The following ATP8B4 variants were observed in gnomAD, a reference collection of about 807,000 sequenced individuals.
ATP8B4 encodes the protein ATPase phospholipid transporting 8B4 (putative), also known as probable phospholipid-transporting ATPase IM.
Under a neutral mutation model 145.6 loss-of-function variants are expected in ATP8B4, and 133 were observed. The observed-to-expected ratio is 0.91, with a 90% CI of 0.79 to 1.05. The LOEUF is 1.05. Ranked by LOEUF, ATP8B4 falls within the 50% of genes least tolerant of loss-of-function variation. The pLI is 0.00. For synonymous variants in ATP8B4, 507 were observed against 492.9 expected, an observed-to-expected ratio of 1.03 and a Z score of -0.38; for missense variants, 1,458 against 1,425.2, an observed-to-expected ratio of 1.02 and a Z score of -0.37.
At chr15:49,936,604 AT>A (rs2041753193) in intron 14 of ATP8B4, among the ~76,000 whole-genome samples, 1 of 151,988 alleles carries the variant, frequency 6.6e-6, no homozygotes, top group South Asian at 2.1e-4. Context: ...CTGGTTTGTA[AT>A]TTTAGAGGTA....
chr15:50,164,610 G>A (rs1232303414), intron 1 of ATP8B4, among the ~76,000 whole-genome samples: 2 of 152,336 alleles, frequency 1.3e-5, no homozygotes, highest in African/African-American at 4.8e-5. Context: ...TCCAGCTGGT[G>A]TCTCACCAGG....
chr15:50,039,370 C>T (rs2051093887), intron 5 of ATP8B4, among the ~76,000 whole-genome samples: 1 of 152,198 alleles, frequency 6.6e-6, no homozygotes, highest in Non-Finnish European at 1.5e-5. Flanking sequence ...TACTGAAACA[C>T]ATTTGGTGTA....
At chr15:50,012,864 G>T (rs1160034445) in intron 6 of ATP8B4, among the ~76,000 whole-genome samples, 2 of 152,082 alleles carry the variant, frequency 1.3e-5, no homozygotes, top group Non-Finnish European at 2.9e-5. Context: ...AATCAGAGGA[G>T]TTTTTACATT....
rs1427081153 is a variant in ATP8B4, at chr15:50,043,141, T to A, written c.300+1453A>T. On this transcript the variant is annotated intron_variant, in intron 5 of 27. Transcript: ENST00000284509. ...AGAGGAGTGACTTGGGCTAGGAATA[T>A]AAACCTGTAACTCATTGGCATAGAC... Among the ~76,000 whole-genome samples the A allele has an allele frequency of 2.6e-5, 4 of 152,326 alleles. No individual in the cohort carries two copies. In the East Asian group the frequency reaches 7.7e-4, roughly 29 times the overall value.
intron 3 of ATP8B4, among the ~76,000 whole-genome samples, chr15:50,048,674 C>T: frequency 6.6e-6 from 1 of 150,458 alleles, no homozygotes; most frequent in Non-Finnish European, 1.5e-5. Context: ...CACCACTGCA[C>T]TCCAGCCTGG....
intron 25 of ATP8B4, among the ~76,000 whole-genome samples, chr15:49,871,166 T>C (rs2033610888): frequency 6.6e-6 from 1 of 152,246 alleles, no homozygotes; most frequent in African/African-American, 2.4e-5. Flanking sequence ...AATCTTCTTG[T>C]TAAGTCTGTT....
chr15:49,960,863 T>C (rs747189008), intron 14 of ATP8B4, among the ~76,000 whole-genome samples: 24 of 152,218 alleles, frequency 1.6e-4, no homozygotes, highest in Non-Finnish European at 2.9e-4. Context: ...CCGGGCGCAG[T>C]GGCTCACGCC....
chr15:50,169,083 C>G (rs917807417), intron 1 of ATP8B4, among the ~76,000 whole-genome samples: 1 of 152,204 alleles, frequency 6.6e-6, no homozygotes, highest in East Asian at 1.9e-4. Flanking sequence ...ATCTGATGGT[C>G]CTTCCCTATC....
At chr15:49,989,219 T>C (rs2046863518) in intron 9 of ATP8B4, among the ~76,000 whole-genome samples, 1 of 152,222 alleles carries the variant, frequency 6.6e-6, no homozygotes, top group African/African-American at 2.4e-5. Context: ...TGGACAACTA[T>C]GTTGTAGATG....
intron 1 of ATP8B4, among the ~76,000 whole-genome samples, chr15:50,158,976 G>A (rs551902726): frequency 7.2e-5 from 11 of 152,304 alleles, no homozygotes; most frequent in East Asian, 5.8e-4. Flanking sequence ...GCGGAAGGCC[G>A]CAGGGTCCTC....
chr15:49,975,413 A>G (rs2045576512), intron 12 of ATP8B4, among the ~76,000 whole-genome samples: 1 of 152,156 alleles, frequency 6.6e-6, no homozygotes, highest in South Asian at 2.1e-4. Context: ...TTTTTTGTAT[A>G]CCTTAAGTCA....
At chr15:50,158,485 G>A (rs1354031281) in intron 1 of ATP8B4, among the ~76,000 whole-genome samples, 1 of 150,564 alleles carries the variant, frequency 6.6e-6, no homozygotes, top group Non-Finnish European at 1.5e-5. Context: ...GAGGGAGGTG[G>A]GGGGGCGCCT....
At chr15:49,930,260 G>T (rs192387610) in intron 16 of ATP8B4, among the ~76,000 whole-genome samples, 3 of 152,048 alleles carry the variant, frequency 2.0e-5, no homozygotes, top group African/African-American at 7.2e-5. Flanking sequence ...AGGGAGGATG[G>T]GGAAAAGACT....
intron 4 of ATP8B4, among the ~76,000 whole-genome samples, chr15:50,046,540 C>G (rs1275081324): frequency 6.6e-6 from 1 of 152,212 alleles, no homozygotes; most frequent in Non-Finnish European, 1.5e-5. Flanking sequence ...ATTTCTGTCA[C>G]TTGAAACATA....
At chr15:50,011,959 T>C (rs1421423820) in intron 6 of ATP8B4, among the ~76,000 whole-genome samples, 1 of 152,198 alleles carries the variant, frequency 6.6e-6, no homozygotes, top group Non-Finnish European at 1.5e-5. Flanking sequence ...TTTATTCGAC[T>C]GTGAAATATG....
intron 1 of ATP8B4, among the ~76,000 whole-genome samples, chr15:50,128,754 A>G (rs902270093): frequency 1.1e-4 from 16 of 152,240 alleles, no homozygotes; most frequent in African/African-American, 3.9e-4. Context: ...GAAAAAGGAC[A>G]GATCCTTTGT....
At position 49,961,969 on chromosome 15, in the gene ATP8B4, T is replaced by C. The variant is rs377268786; in HGVS notation, c.1287+8A>G. The C allele has an allele frequency of 1.9e-6, 3 of 1,590,752 alleles. No homozygotes were observed. The highest frequency in any genetic ancestry group is 2.7e-5 in the African/African-American group (2 of 73,420). On this transcript the variant is annotated splice_region_variant and intron_variant, in intron 14 of 27. Transcript: ENST00000284509. Reference sequence around the variant, plus strand: ...AAAACTAAGAATAAAATTTTATCACTTCCACACCTGAGTTATTTCTGTCTT... The same window carrying C: ...AAAACTAAGAATAAAATTTTATCACCTCCACACCTGAGTTATTTCTGTCTT...
In ATP8B4 at chr15:49,858,307, T is replaced by C. The variant is rs1218411879; in HGVS notation, c.*1887A>G. 6.6e-6 allele frequency: 1 copy of C among 152,138 alleles called. No individual in the cohort carries two copies. The allele number at this position is 152,138 out of a possible 1,614,324, so 9.4% of individuals were successfully genotyped here. ...AAAAATGTTACAAAAAGTGAGCAAA[T>C]GTGGTGAAACTAATGACAAATTAGA... On this transcript the variant is annotated 3_prime_UTR_variant, in exon 28 of 28. Transcript: ENST00000284509.
Position 49,876,445 on chromosome 15 carries a change from T to C in ATP8B4, c.2860A>G (p.Lys954Glu), listed in dbSNP as rs370026347. The C allele has an allele frequency of 1.2e-6, 2 of 1,613,338 alleles. No homozygotes were observed. The highest frequency in any genetic ancestry group is 1.3e-5 in the African/African-American group (1 of 74,668). The change falls in exon 25 of 28, where the codon AAA becomes GAA. Residue 954 changes from lysine (K) to glutamate (E), a missense_variant. Lys to Glu is a moderately conservative substitution (Grantham distance 56). Coordinates refer to ENST00000284509, the MANE Select transcript of ATP8B4 (RefSeq NM_024837.4). ...GQLNLLFNKR[K>E]FFICVLHGIY... Reference sequence around the variant, plus strand: ...CCATGCAACACGCAAATGAAAAATTTACGCTTGTTAAAAAGCAGATTCAGC... The same window carrying C: ...CCATGCAACACGCAAATGAAAAATTCACGCTTGTTAAAAAGCAGATTCAGC...
Sources: gnomAD v4.1 joint callset for allele counts (sites outside exome capture counted in the v4.1 genomes callset) on GRCh38, gnomAD v4.1.1 for gene constraint, MANE v1.5 for transcripts, NCBI Gene and HGNC (gene_info 2026-07-23, HGNC 2026-07-21) for gene names.